Variants in NRTN observed in about 807,000 individuals in gnomAD.
NRTN encodes prepro-neurturin.
Under a neutral mutation model 7.5 loss-of-function variants are expected in NRTN, and 3 were observed. That is an observed-to-expected ratio of 0.40 (90% confidence interval 0.18 to 1.03). NRTN has a LOEUF of 1.03. Among genes scored for constraint, NRTN ranks in the 50% least tolerant of loss-of-function variants. The pLI is 0.34. For missense variants in NRTN, 310 were observed against 307.0 expected (o/e 1.01, Z -0.07); for synonymous variants, 157 against 146.6 (o/e 1.07, Z -0.51).
chr19:5,822,235 GGTGCAGGGCAGC>G (rs2308126), intron 1 of NRTN, among the ~76,000 whole-genome samples: 53,157 of 151,720 alleles, frequency 0.35, 9,539 homozygotes, highest in East Asian at 0.54. Flanking sequence ...ATCTCTGGGT[GGTGCAGGGCAGC>G]GTGCAAGGCT....
intron 1 of NRTN, among the ~76,000 whole-genome samples, chr19:5,808,206 A>G (rs1269071709): frequency 2.6e-5 from 4 of 152,162 alleles, no homozygotes; most frequent in Admixed American, 2.6e-4. Context: ...TTCTCTTTCC[A>G]TCAGATGGCC....
In NRTN at chr19:5,824,179, A is replaced by G. The variant is rs1253958041; in HGVS notation, c.14A>G (p.Lys5Arg). ...CGCAGGCTGAGGATGCAGCGCTGGA[A>G]GGCGGCGGCCTTGGCCTCAGTGCTC... Reference protein sequence around the residue: MQRWKAAALASVLCS... With the variant: MQRWRAAALASVLCS... The change falls in exon 2 of 3, where the codon AAG (lysine) becomes AGG (arginine). Residue 5 changes from lysine (K) to arginine (R), a missense_variant. Coordinates refer to ENST00000303212, the MANE Select transcript of NRTN (RefSeq NM_004558.5). The G allele has an allele frequency of 6.2e-7, 1 of 1,609,238 alleles. No homozygotes were observed. The highest frequency in any genetic ancestry group is 8.5e-7 in the Non-Finnish European group (1 of 1,179,884).
chr19:5,824,914 ATTAGG>A (rs1199543560), intron 2 of NRTN, among the ~76,000 whole-genome samples: 1 of 152,128 alleles, frequency 6.6e-6, no homozygotes, highest in Non-Finnish European at 1.5e-5. Context: ...GTCACAAGGA[ATTAGG>A]CTCTGCCCTG....
At chr19:5,820,564 C>CAAA (rs72127155) in intron 1 of NRTN, among the ~76,000 whole-genome samples, 2,278 of 108,964 alleles carry the variant, frequency 0.021, 204 homozygotes, top group African/African-American at 0.08. Context: ...GACTCCGTCT[C>CAAA]AAAAAAAAAA....
rs371970077 is a variant in NRTN, at chr19:5,824,310, G to A, written c.145G>A (p.Ala49Thr). Residue 49 changes from alanine (A) to threonine (T), a missense_variant, in exon 2 of 3, where the codon GCC becomes ACC. Coordinates refer to ENST00000303212, the MANE Select transcript of NRTN (RefSeq NM_004558.5). ...GCACCGCCTGCCTCGAACCCTGGACGCCCGGATTGCCCGCCTGGCCCAGTG... is the reference window on the plus strand; with the variant it reads ...GCACCGCCTGCCTCGAACCCTGGACACCCGGATTGCCCGCCTGGCCCAGTG... The part of the protein sequence containing the change: ...PLHRLPRTLD[A>T]RIARLAQYRA... The A allele has an allele frequency of 1.7e-5, 28 of 1,604,814 alleles. No homozygotes were observed. Among genetic ancestry groups the A allele is most frequent in the African/African-American group, 4.0e-5 (3 of 74,874 alleles).
intron 1 of NRTN, among the ~76,000 whole-genome samples, chr19:5,821,621 G>GTTCA (rs3834829): frequency 0.13 from 18,610 of 146,244 alleles, 1,519 homozygotes; most frequent in African/African-American, 0.25. Flanking sequence ...GCTTCTTTGT[G>GTTCA]TTCATTCATT....
At chr19:5,819,989 A>G (rs1211545189) in intron 1 of NRTN, among the ~76,000 whole-genome samples, 1 of 151,812 alleles carries the variant, frequency 6.6e-6, no homozygotes, top group African/African-American at 2.4e-5. Context: ...GATGATGGCC[A>G]GGCACGGTGG....
intron 1 of NRTN, among the ~76,000 whole-genome samples, chr19:5,815,493 GCGAT>G (rs2057002486): frequency 6.7e-6 from 1 of 149,690 alleles, no homozygotes; most frequent in Non-Finnish European, 1.5e-5. Context: ...GTACAGTGGC[GCGAT>G]CTCGGCTCAC....
intron 1 of NRTN, among the ~76,000 whole-genome samples, 133 bp from the exon 2 acceptor site, chr19:5,823,634 TG>T (rs1217320967): frequency 6.6e-6 from 1 of 152,132 alleles, no homozygotes; most frequent in Non-Finnish European, 1.5e-5. Flanking sequence ...GACACCAGCA[TG>T]TAGGGAACAG....
chr19:5,818,429 G>A (rs1326110949), intron 1 of NRTN, among the ~76,000 whole-genome samples: 2 of 152,130 alleles, frequency 1.3e-5, no homozygotes, highest in East Asian at 3.9e-4. Flanking sequence ...AGTGTGAGTG[G>A]GCACACAAGT....
In NRTN at chr19:5,824,171, G is replaced by T; in HGVS notation, c.6G>T (p.Gln2His). The change falls in exon 2 of 3, where the codon CAG becomes CAT. Residue 2 changes from glutamine to histidine, a missense_variant. Gln to His is a conservative substitution (Grantham distance 24). Coordinates refer to ENST00000303212, the MANE Select transcript of NRTN (RefSeq NM_004558.5). Reference sequence around the variant, plus strand: ...CCCGTGCCCGCAGGCTGAGGATGCAGCGCTGGAAGGCGGCGGCCTTGGCCT... The same window carrying T: ...CCCGTGCCCGCAGGCTGAGGATGCATCGCTGGAAGGCGGCGGCCTTGGCCT... Reference protein sequence around the residue: MQRWKAAALASV... With the variant: MHRWKAAALASV... 6.2e-7 allele frequency: 1 copy of T among 1,608,112 alleles called. No individual in the cohort carries two copies.
At position 5,806,356 on chromosome 19, in the gene NRTN, G is replaced by T. The variant is rs550057588; in HGVS notation, c.-399+905G>T. The stretch of plus-strand genomic sequence containing the variant: ...GGCTCGTCATTGGTCCAGATTTGGG[G>T]AGTGGGGCCAGGGGCTTAAAGCAGG... On this transcript the variant is annotated intron_variant, in intron 1 of 2. Transcript: ENST00000303212. This position sits in a 1 kb window ranked among gnomAD's most constrained non-coding sequence, Gnocchi z 5.4. 2.0e-4 allele frequency among the ~76,000 whole-genome samples: 31 copies of T among 152,266 alleles called. No homozygotes were observed. The highest frequency in any genetic ancestry group is 7.0e-4 in the African/African-American group (29 of 41,558).
At chr19:5,822,262 G>A (rs941845893) in intron 1 of NRTN, among the ~76,000 whole-genome samples, 2 of 152,114 alleles carry the variant, frequency 1.3e-5, no homozygotes, top group African/African-American at 4.8e-5. Context: ...AAGGCTGGAG[G>A]TACAAGGTGC....
At position 5,824,480 on chromosome 19, in the gene NRTN, T is replaced by G. The variant is rs1391064765; in HGVS notation, c.169+146T>G. On this transcript the variant is annotated intron_variant, in intron 2 of 2. Coordinates refer to ENST00000303212, the MANE Select transcript of NRTN (RefSeq NM_004558.5). The stretch of plus-strand genomic sequence containing the variant: ...CCTTGCAGGGAGGCAGGGACAGACA[T>G]CCTAAAAGATTATTCAGGGCAAGGC... 9 of 1,053,406 alleles carry G rather than the reference T, an allele frequency of 8.5e-6. No homozygotes were observed. The East Asian group carries it at 2.3e-4, about 27-fold the overall frequency. The allele number at this position is 1,053,406 out of a possible 1,614,324, so 65.3% of individuals were successfully genotyped here. A position where few individuals can be genotyped will look rare whatever the true frequency, so the allele number is the denominator to read the frequency against.
intron 1 of NRTN, among the ~76,000 whole-genome samples, chr19:5,813,329 G>T (rs1035892121): frequency 2.6e-5 from 4 of 151,822 alleles, no homozygotes; most frequent in African/African-American, 7.3e-5. Context: ...GAAGTGAGGA[G>T]TTTGAGACCA....
rs2056971679 is a variant in NRTN at position 5,805,286 on chromosome 19, G to T, written c.-564G>T. 6.9e-6 allele frequency among the ~76,000 whole-genome samples: 1 copy of T among 145,528 alleles called. No homozygotes were observed. The highest frequency in any genetic ancestry group is 2.1e-4 in the South Asian group (1 of 4,776). ...GCCCGCGGCTAAGCGAGCCCGGGGG[G>T]CCCCATGGGCCGGCCCGCGCCGCAC... On this transcript the variant is annotated 5_prime_UTR_variant, in exon 1 of 3. Coordinates refer to ENST00000303212, the MANE Select transcript of NRTN (RefSeq NM_004558.5).
chr19:5,820,721 G>A (rs1251653443), intron 1 of NRTN, among the ~76,000 whole-genome samples: 2 of 103,346 alleles, frequency 1.9e-5, no homozygotes, highest in African/African-American at 3.7e-5. Context: ...GGGCAACAGA[G>A]TGAAACTCTG....
At chr19:5,827,722 C>G in intron 2 of NRTN, 27 bp from the exon 3 acceptor site, 1 of 1,156,320 alleles carries the variant, frequency 8.6e-7, no homozygotes, top group Non-Finnish European at 1.1e-6. Flanking sequence ...CACTGACCCC[C>G]CCTCCTTTCT....
intron 1 of NRTN, among the ~76,000 whole-genome samples, chr19:5,818,364 T>C (rs768894452): frequency 2.0e-5 from 3 of 152,044 alleles, no homozygotes; most frequent in Non-Finnish European, 2.9e-5. Context: ...TGAGTGTGTG[T>C]ATACGAGTAT....
Sources: allele counts gnomAD v4.1 joint callset (sites outside exome capture counted in the v4.1 genomes callset), GRCh38; gene constraint gnomAD v4.1.1; non-coding constraint Gnocchi (gnomAD v3.1); transcripts MANE v1.5; gene names NCBI Gene and HGNC (gene_info 2026-07-23, HGNC 2026-07-21).